The following OPA3 variants were observed in gnomAD, a reference collection of about 807,000 sequenced individuals.
OPA3 encodes outer mitochondrial membrane lipid metabolism regulator OPA3.
Under a neutral mutation model 4.0 loss-of-function variants are expected in OPA3, and 6 were observed. The ratio of observed to expected loss-of-function variants is 1.51; its 90% CI spans 0.83 to 2.99. The LOEUF is 2.99. OPA3 is among the 30% of genes most tolerant of loss of function. The probability of loss-of-function intolerance (pLI) is 0.00; values close to 1 mark genes in which losing one functional copy is unlikely to be tolerated. For missense variants in OPA3, 235 were observed against 256.2 expected (o/e 0.92, Z 0.56); for synonymous variants, 105 against 117.1 (o/e 0.90, Z 0.67).
chr19:45,571,908 TTTAA>T (rs1293654313), intron 1 of OPA3, among the ~76,000 whole-genome samples: 2 of 152,080 alleles, frequency 1.3e-5, no homozygotes, highest in African/African-American at 4.8e-5. Flanking sequence ...AGAAGTTTTG[TTTAA>T]TTCTTTTTCC....
At chr19:45,568,314 C>T (rs1233065248) in intron 1 of OPA3, among the ~76,000 whole-genome samples, 2 of 152,056 alleles carry the variant, frequency 1.3e-5, no homozygotes, top group African/African-American at 2.4e-5. Flanking sequence ...CTCAGCCTCC[C>T]GAGTAGCTGG....
chr19:45,531,382 A>T (rs924666634), intron 1 of OPA3, among the ~76,000 whole-genome samples: 2 of 152,140 alleles, frequency 1.3e-5, no homozygotes, highest in Non-Finnish European at 2.9e-5. Context: ...GATGATTCTC[A>T]AACTAACTAT....
chr19:45,580,311 G>A (rs76352803), intron 1 of OPA3, among the ~76,000 whole-genome samples: 1 of 73,548 alleles, frequency 1.4e-5, no homozygotes, highest in African/African-American at 5.5e-5. Flanking sequence ...TTTTTTTTTT[G>A]AGACAGAGTT....
rs1969341432 is a variant in OPA3 at position 45,552,099 on chromosome 19, T to A, written c.*1415A>T. On this transcript the variant is annotated 3_prime_UTR_variant, in exon 2 of 2. Coordinates refer to ENST00000263275, the MANE Select transcript of OPA3 (RefSeq NM_025136.4). ...TCACAGAAAAGATCCTGTAGTGCCA[T>A]TCCAGTGGGTTGTGCCATAGACTCA... is the stretch of plus-strand genomic sequence containing the variant. The A allele has an allele frequency of 5.1e-6, 5 of 985,334 alleles. No individual in the cohort carries two copies. The South Asian group carries it at 1.9e-4, about 37-fold the overall frequency. The allele number at this position is 985,334 out of a possible 1,614,324, so 61.0% of individuals were successfully genotyped here.
At chr19:45,528,738 AG>A in exon 2 of OPA3, 1 of 305,618 alleles carries the variant, frequency 3.3e-6, no homozygotes. Context: ...ACCTAGCGGT[AG>A]GGAGGTGGGG....
At chr19:45,575,157 G>A (rs1969748081) in intron 1 of OPA3, among the ~76,000 whole-genome samples, 1 of 152,078 alleles carries the variant, frequency 6.6e-6, no homozygotes, top group Non-Finnish European at 1.5e-5. Context: ...CTGGAGTGCT[G>A]TGGCACGATC....
chr19:45,560,309 C>T (rs1969484749), intron 1 of OPA3, among the ~76,000 whole-genome samples: 1 of 152,196 alleles, frequency 6.6e-6, no homozygotes, highest in South Asian at 2.1e-4. Context: ...GTCCTCACTG[C>T]ATGGTGACAA....
At chr19:45,542,613 T>C (rs1377652235), downstream of OPA3, among the ~76,000 whole-genome samples, 1 of 151,998 alleles carries the variant, frequency 6.6e-6, no homozygotes, top group Admixed American at 6.6e-5. Context: ...GTATATGCGG[T>C]TTGTTGTGGA....
exon 2 of OPA3, chr19:45,529,252 C>A: frequency 6.2e-7 from 1 of 1,613,706 alleles, no homozygotes; most frequent in Non-Finnish European, 8.5e-7. Context: ...CCTGGCAACA[C>A]GTCGCTCCTT....
intron 1 of OPA3, chr19:45,584,310 A>T: frequency 1.0e-6 from 1 of 983,756 alleles, no homozygotes; most frequent in Non-Finnish European, 1.2e-6. Flanking sequence ...TCTATCCTGG[A>T]AAGCCCCGTC....
chr19:45,581,257 C>T (rs1969850818), intron 1 of OPA3, among the ~76,000 whole-genome samples: 1 of 152,148 alleles, frequency 6.6e-6, no homozygotes, highest in Admixed American at 6.6e-5. Context: ...ACCGAACAAC[C>T]AAGAATTCCG....
rs1260016138 is a variant in OPA3 at position 45,549,685 on chromosome 19, G to A, written c.*3829C>T. 1.1e-6 allele frequency: 1 copy of A among 919,560 alleles called. No individual in the cohort carries two copies. The highest frequency in any genetic ancestry group is 1.3e-6 in the Non-Finnish European group (1 of 770,254). 57.0% of individuals were successfully genotyped at this position (919,560 alleles called of 1,614,324 possible). A position where few individuals can be genotyped will look rare whatever the true frequency, so the allele number is the denominator to read the frequency against. On this transcript the variant is annotated 3_prime_UTR_variant, in exon 2 of 2. Coordinates refer to ENST00000263275, the MANE Select transcript of OPA3 (RefSeq NM_025136.4). ...AGTAGAGACGGGGTTTTGCCATGTT[G>A]GCCAGGCTGGTCTCGATCTCCTAAC... is the stretch of plus-strand genomic sequence containing the variant.
At chr19:45,541,970 G>A (rs1393873776), downstream of OPA3, among the ~76,000 whole-genome samples, 1 of 152,182 alleles carries the variant, frequency 6.6e-6, no homozygotes, top group African/African-American at 2.4e-5. Flanking sequence ...GGTACCCATG[G>A]TGCTGACAGC....
chr19:45,546,342 CATATA>C lies in OPA3; in HGVS notation c.*7167_*7171del. On this transcript the variant is annotated 3_prime_UTR_variant, in exon 2 of 2. Transcript: ENST00000263275. Reference sequence around the variant, plus strand: ...GATATGTACATAAGCACATACACTACATATAATAGATGATGTTATGTTACACATGA... The same window carrying C: ...GATATGTACATAAGCACATACACTACATAGATGATGTTATGTTACACATGA... The C allele has an allele frequency of 1.5e-6, 1 of 677,326 alleles. No individual in the cohort carries two copies. Among genetic ancestry groups the C allele is most frequent in the Non-Finnish European group, 1.8e-6 (1 of 549,492 alleles). The allele number at this position is 677,326 out of a possible 1,614,324, so 42.0% of individuals were successfully genotyped here.
At chr19:45,557,078 G>A (rs1015579105) in intron 1 of OPA3, among the ~76,000 whole-genome samples, 7 of 152,224 alleles carry the variant, frequency 4.6e-5, no homozygotes, top group African/African-American at 1.7e-4. Context: ...ACAGTGGCCA[G>A]AGAGTGGTGA....
chr19:45,564,430 G>C (rs1258402533), intron 1 of OPA3, among the ~76,000 whole-genome samples: 1 of 152,184 alleles, frequency 6.6e-6, no homozygotes, highest in Non-Finnish European at 1.5e-5. Flanking sequence ...CTTGACTGGG[G>C]GTAAACCAGG....
chr19:45,553,299 G>A lies in OPA3; in HGVS notation c.*215C>T. 1 of 1,445,900 alleles carries A rather than the reference G, an allele frequency of 6.9e-7. No individual in the cohort carries two copies. Among genetic ancestry groups the A allele is most frequent in the Non-Finnish European group, 9.1e-7 (1 of 1,101,804 alleles). The allele number at this position is 1,445,900 out of a possible 1,614,324, so 89.6% of individuals were successfully genotyped here. A position where few individuals can be genotyped will look rare whatever the true frequency, so the allele number is the denominator to read the frequency against. Reference sequence around the variant, plus strand: ...TCCTGGTTTGGAGTGGGGGATAGGAGGTGAAGGATGATGGAGGGGGCTATG... The same window carrying A: ...TCCTGGTTTGGAGTGGGGGATAGGAAGTGAAGGATGATGGAGGGGGCTATG... On this transcript the variant is annotated 3_prime_UTR_variant, in exon 2 of 2. Coordinates refer to ENST00000263275, the MANE Select transcript of OPA3 (RefSeq NM_025136.4).
Position 45,547,349 on chromosome 19 carries a change from T to C in OPA3, c.*6165A>G, listed in dbSNP as rs1399637672. 4.6e-5 allele frequency: 7 copies of C among 152,242 alleles called. No individual in the cohort carries two copies. Among genetic ancestry groups the C allele is most frequent in the Non-Finnish European group, 1.0e-4 (7 of 68,054 alleles). The allele number at this position is 152,242 out of a possible 1,614,324, so 9.4% of individuals were successfully genotyped here. A position where few individuals can be genotyped will look rare whatever the true frequency, so the allele number is the denominator to read the frequency against. ...GTGCAAATACTCAGCTCTGTCACTGTACTGCAAAAGCAACTGTGGAAAATA... is the reference window on the plus strand; with the variant it reads ...GTGCAAATACTCAGCTCTGTCACTGCACTGCAAAAGCAACTGTGGAAAATA... On this transcript the variant is annotated 3_prime_UTR_variant, in exon 2 of 2. Coordinates refer to ENST00000263275, the MANE Select transcript of OPA3 (RefSeq NM_025136.4).
chr19:45,559,234 T>C (rs1969466057), intron 1 of OPA3, among the ~76,000 whole-genome samples: 1 of 151,972 alleles, frequency 6.6e-6, no homozygotes, highest in Non-Finnish European at 1.5e-5. Context: ...TTTTCTGTAA[T>C]GACTTTATCA....
Sources: gnomAD v4.1 joint callset for allele counts (sites outside exome capture counted in the v4.1 genomes callset) on GRCh38, gnomAD v4.1.1 for gene constraint, MANE v1.5 for transcripts, NCBI Gene and HGNC (gene_info 2026-07-23, HGNC 2026-07-21) for gene names.